LONRF3: variants seen among roughly 807,000 people sequenced by gnomAD.
The protein encoded by LONRF3 is LON peptidase N-terminal domain and RING finger protein 3.
A neutral mutation model predicts 51.7 loss-of-function variants in LONRF3; 19 were observed. The observed-to-expected ratio is 0.37, with a 90% CI of 0.26 to 0.54. The LOEUF is 0.54. Ranked by LOEUF, LONRF3 falls within the 20% of genes least tolerant of loss-of-function variation. The pLI, the probability that LONRF3 is intolerant of heterozygous loss-of-function variation, is 0.86. For missense variants in LONRF3, 521 were observed against 623.9 expected, an observed-to-expected ratio of 0.84 and a Z score of 1.76; for synonymous variants, 265 against 257.8, an observed-to-expected ratio of 1.03 and a Z score of -0.27.
intron 5 of LONRF3, among the ~76,000 whole-genome samples, chrX:119,000,775 TTCTCTCTCTCTCTCTCTCTCTCTC>T (rs200671696): frequency 0.03 from 1,678 of 55,760 alleles, 23 homozygotes; most frequent in Admixed American, 0.057. Context: ...TTCACTCTCA[TTCTCTCTCTCTCTCTCTCTCTCTC>T]TCTCTCTCTC....
At chrX:118,988,585 G>GT (rs1200428172) in intron 3 of LONRF3, among the ~76,000 whole-genome samples, 13 of 109,772 alleles carry the variant, frequency 1.2e-4, no homozygotes, top group Non-Finnish European at 1.7e-4. Context: ...CTGTCTGCCA[G>GT]TTTTTTTTTG....
intron 1 of LONRF3, among the ~76,000 whole-genome samples, chrX:118,977,171 A>G (rs935224463): frequency 2.3e-5 from 2 of 88,651 alleles, no homozygotes; most frequent in Non-Finnish European, 4.1e-5. Context: ...ACCCCTGGGG[A>G]AAAAAAAAAC....
chrX:119,002,790 CT>C (rs1439315942), intron 5 of LONRF3, among the ~76,000 whole-genome samples: 6 of 110,831 alleles, frequency 5.4e-5, no homozygotes, highest in Admixed American at 3.8e-4. Context: ...AGCGCTTCTT[CT>C]TGTTTTTTTA....
chrX:119,006,734 G>A (rs1005791741), intron 6 of LONRF3, among the ~76,000 whole-genome samples: 2 of 111,530 alleles, frequency 1.8e-5, no homozygotes, highest in East Asian at 2.8e-4. Context: ...GACTACAGGC[G>A]CCCGCCACCA....
intron 5 of LONRF3, among the ~76,000 whole-genome samples, chrX:118,999,149 T>TA (rs112596896): frequency 1.8e-5 from 2 of 111,734 alleles, no homozygotes; most frequent in African/African-American, 6.5e-5. Context: ...TTCTTTCTCT[T>TA]AAAAAAAATT....
At chrX:118,997,393 T>C (rs1188871327) in intron 5 of LONRF3, among the ~76,000 whole-genome samples, 2 of 111,857 alleles carry the variant, frequency 1.8e-5, no homozygotes, top group Non-Finnish European at 3.8e-5. Flanking sequence ...TTTCAACAAA[T>C]GGTGCTGGGA....
intron 1 of LONRF3, 146 bp downstream of exon 1, chrX:118,975,743 G>A: frequency 2.5e-6 from 1 of 407,482 alleles, no homozygotes; most frequent in Non-Finnish European, 4.1e-6. Context: ...TGGGGGAGGG[G>A]TGATTCTGGG....
rs1472979549 is a variant in LONRF3 at position 118,997,190 on chromosome X, C to CTG, written c.1415+6631_1415+6632dup. 2.7e-5 allele frequency among the ~76,000 whole-genome samples: 3 copies of CTG among 111,735 alleles called. No individual in the cohort carries two copies. In the Admixed American group the frequency reaches 2.8e-4, roughly 11 times the overall value. On this transcript the variant is annotated intron_variant, in intron 5 of 10. Coordinates refer to ENST00000371628, the MANE Select transcript of LONRF3 (RefSeq NM_001031855.3). ...GCAAGACTAAGCAAAAAGAACAAAT[C>CTG]TGGAGGCATCAAACTATCTGATTTC...
chrX:119,012,080 C>A, intron 8 of LONRF3, 107 bp downstream of exon 8: 1 of 789,814 alleles, frequency 1.3e-6, no homozygotes, highest in Non-Finnish European at 1.8e-6. Context: ...GAGGTTTAGC[C>A]AACTGAAGAA....
chrX:119,002,535 G>A (rs1924391873), intron 5 of LONRF3, among the ~76,000 whole-genome samples: 2 of 111,695 alleles, frequency 1.8e-5, no homozygotes, highest in African/African-American at 6.5e-5. Flanking sequence ...ATGGATGGAT[G>A]TTTGGATTGT....
At chrX:118,999,058 G>A (rs193136847) in intron 5 of LONRF3, among the ~76,000 whole-genome samples, 197 of 112,627 alleles carry the variant, frequency 1.7e-3, no homozygotes, top group African/African-American at 6.0e-3. Flanking sequence ...TTCTCATATC[G>A]ATCATGTGCA....
rs900940751 is a variant in LONRF3, at chrX:119,017,890, C to T, written c.*200C>T. The T allele has an allele frequency of 5.4e-5, 18 of 335,654 alleles. No homozygotes were observed. Among genetic ancestry groups the T allele is most frequent in the African/African-American group, 3.7e-4 (14 of 37,473 alleles). 27.7% of individuals were successfully genotyped at this position (335,654 alleles called of 1,213,427 possible). On this transcript the variant is annotated 3_prime_UTR_variant, in exon 11 of 11. Transcript: ENST00000371628. Reference sequence around the variant, plus strand: ...ATTTGAAACTTTCTGTCTTAAGATGCTTCTTGACATGCTGCATAACTACAT... The same window carrying T: ...ATTTGAAACTTTCTGTCTTAAGATGTTTCTTGACATGCTGCATAACTACAT...
chrX:118,975,511 C>G lies in LONRF3; in HGVS notation c.731C>G (p.Ser244Trp). Residue 244 changes from serine to tryptophan, a missense_variant, in exon 1 of 11, where the codon TCG (serine) becomes TGG (tryptophan). Coordinates refer to ENST00000371628, the MANE Select transcript of LONRF3 (RefSeq NM_001031855.3). ...TTGTTTCCAGGCCCAGCGCGAGCGT[C>G]GCAACTCCGGCACGAGGGCAACCGA... ...GKLFPGPARA[S>W]QLRHEGNRLY... 3 of 1,204,988 alleles carry G rather than the reference C, an allele frequency of 2.5e-6. No individual in the cohort carries two copies. The East Asian group carries it at 9.0e-5, about 36-fold the overall frequency.
At chrX:119,000,131 TG>T (rs1288532865) in intron 5 of LONRF3, among the ~76,000 whole-genome samples, 1 of 112,109 alleles carries the variant, frequency 8.9e-6, no homozygotes, top group Non-Finnish European at 1.9e-5. Context: ...GGAATATGAT[TG>T]GTTCTCTTAT....
chrX:119,011,131 A>G (rs1925080902), intron 7 of LONRF3, among the ~76,000 whole-genome samples: 1 of 109,067 alleles, frequency 9.2e-6, no homozygotes, highest in South Asian at 3.9e-4. Context: ...AAAAAAAAAG[A>G]AAAAGAAAGA....
intron 5 of LONRF3, among the ~76,000 whole-genome samples, chrX:118,994,382 A>G (rs923246815): frequency 9.5e-6 from 1 of 104,754 alleles, no homozygotes; most frequent in Admixed American, 1.0e-4. Flanking sequence ...GAGCAGGGGT[A>G]GCTATTTTTA....
At chrX:118,986,145 A>G (rs1327560634) in intron 3 of LONRF3, among the ~76,000 whole-genome samples, 1 of 110,347 alleles carries the variant, frequency 9.1e-6, no homozygotes, top group Non-Finnish European at 1.9e-5. Context: ...GAATGTGGAC[A>G]GTGAATGGTG....
intron 10 of LONRF3, among the ~76,000 whole-genome samples, chrX:119,017,290 C>T (rs1925530315): frequency 8.9e-6 from 1 of 112,093 alleles, no homozygotes; most frequent in African/African-American, 3.2e-5. Flanking sequence ...CTTCCCTTTA[C>T]ATCTCATTAG....
chrX:118,978,524 G>A (rs1158383882), intron 2 of LONRF3, 61 bp downstream of exon 2: 18 of 759,661 alleles, frequency 2.4e-5, no homozygotes, highest in Non-Finnish European at 1.2e-5. Flanking sequence ...TGGCAGGAAG[G>A]GCTGCCTCCC....
Sources: gnomAD v4.1 joint callset for allele counts (sites outside exome capture counted in the v4.1 genomes callset) on GRCh38, gnomAD v4.1.1 for gene constraint, MANE v1.5 for transcripts, NCBI Gene and HGNC (gene_info 2026-07-23, HGNC 2026-07-21) for gene names.